The following BBS9 variants were observed in gnomAD, a reference collection of about 807,000 sequenced individuals.
BBS9 encodes Bardet-Biedl syndrome 9.
A neutral mutation model predicts 117.7 loss-of-function variants in BBS9; 89 were observed. That is an observed-to-expected ratio of 0.76 (90% CI 0.64 to 0.90). The LOEUF (loss-of-function observed/expected upper bound fraction) is 0.90. BBS9 is among the 40% of genes least tolerant of loss of function. BBS9 has a pLI of 0.00. For synonymous variants in BBS9, 379 were observed against 370.9 expected (o/e 1.02, Z -0.25); for missense variants, 982 against 1,042.2 (o/e 0.94, Z 0.80).
intron 19 of BBS9, among the ~76,000 whole-genome samples, chr7:33,414,880 T>G (rs1461195719): frequency 1.3e-5 from 2 of 152,140 alleles, no homozygotes; most frequent in African/African-American, 4.8e-5. Flanking sequence ...AGAGATGATA[T>G]CAGTTTACCG....
intron 21 of BBS9, among the ~76,000 whole-genome samples, chr7:33,582,963 T>A (rs2129163801): frequency 6.6e-6 from 1 of 152,236 alleles, no homozygotes; most frequent in Admixed American, 6.5e-5. Context: ...AACTAAGTAA[T>A]GTGGGAGCCT....
At chr7:33,386,514 G>A (rs1027302750) in intron 18 of BBS9, among the ~76,000 whole-genome samples, 3 of 147,166 alleles carry the variant, frequency 2.0e-5, no homozygotes, top group Non-Finnish European at 4.5e-5. Flanking sequence ...ATTTTGAGAC[G>A]GGGTCTCGCT....
At position 33,385,416 on chromosome 7, in the gene BBS9, CCTTG is replaced by C. The variant is rs141707644; in HGVS notation, c.1962+1579_1962+1582del. 8.4e-3 allele frequency among the ~76,000 whole-genome samples: 1,283 copies of C among 152,220 alleles called. 19 individuals carry two copies. Among genetic ancestry groups the C allele is most frequent in the African/African-American group, 0.03 (1,232 of 41,534 alleles). ...AGTTGGGTTTTGGAATCCAAGTGTGCCTTGGAGTGTAAATTTCATGAAGGCAGAA... is the reference window on the plus strand; with the variant it reads ...AGTTGGGTTTTGGAATCCAAGTGTGCGAGTGTAAATTTCATGAAGGCAGAA... On this transcript the variant is annotated intron_variant, in intron 18 of 22. Transcript: ENST00000242067.
intron 19 of BBS9, among the ~76,000 whole-genome samples, chr7:33,504,409 C>A (rs1252482710): frequency 1.3e-5 from 2 of 152,148 alleles, no homozygotes; most frequent in African/African-American, 2.4e-5. Flanking sequence ...TGGGAGACCA[C>A]ACAGCTGTAC....
At chr7:33,162,190 T>G (rs1254987731) in intron 4 of BBS9, among the ~76,000 whole-genome samples, 2 of 152,320 alleles carry the variant, frequency 1.3e-5, no homozygotes, top group Non-Finnish European at 2.9e-5. Context: ...AGGTCTAACA[T>G]TTAAGTCTTT....
At chr7:33,565,189 G>C (rs1314572447) in intron 21 of BBS9, among the ~76,000 whole-genome samples, 7 of 152,106 alleles carry the variant, frequency 4.6e-5, no homozygotes, top group Admixed American at 4.6e-4. Flanking sequence ...AATCTTCATT[G>C]TCTTCTGTCC....
At chr7:33,224,771 T>C (rs1486501725) in intron 5 of BBS9, among the ~76,000 whole-genome samples, 2 of 152,314 alleles carry the variant, frequency 1.3e-5, no homozygotes, top group African/African-American at 4.8e-5. Context: ...AGAGGACTGG[T>C]CAGGTTCAGG....
At chr7:33,427,393 C>G (rs78335671) in intron 19 of BBS9, among the ~76,000 whole-genome samples, 4,901 of 152,196 alleles carry the variant, frequency 0.032, 143 homozygotes, top group African/African-American at 0.077. Context: ...ATGGAGAAAA[C>G]ACAGGACTGC....
intron 9 of BBS9, among the ~76,000 whole-genome samples, chr7:33,328,200 C>A (rs1813235988): frequency 6.6e-6 from 1 of 152,186 alleles, no homozygotes; most frequent in Non-Finnish European, 1.5e-5. Context: ...TCAAGATCCA[C>A]CTTCTGCATC....
In BBS9 at chr7:33,627,261, G is replaced by A. The variant is rs529987686; in HGVS notation, c.2522-7916G>A. ...AAGCTGTAAGCTTTGGTTTCCACAC[G>A]ATGTTAGGCCTGCAGGTGCATAAAG... On this transcript the variant is annotated intron_variant, in intron 21 of 21. Coordinates refer to the BBS9 transcript ENST00000671952. Among the ~76,000 whole-genome samples, 19 of 152,348 alleles carry A rather than the reference G, an allele frequency of 1.2e-4. No homozygotes were observed. The South Asian group carries it at 2.7e-3, about 22-fold the overall frequency.
chr7:33,246,629 C>T (rs145252202), intron 5 of BBS9, among the ~76,000 whole-genome samples: 23 of 152,020 alleles, frequency 1.5e-4, no homozygotes, highest in Middle Eastern at 3.4e-3. Context: ...TATGCCTCAA[C>T]GTTATACTCA....
Position 33,512,899 on chromosome 7 carries a change from T to C in BBS9, c.2298+7254T>C, listed in dbSNP as rs188569072. Among the ~76,000 whole-genome samples the C allele has an allele frequency of 3.0e-3, 454 of 152,346 alleles. 9 individuals are homozygous for C. The highest frequency in any genetic ancestry group is 9.6e-4 in the East Asian group (5 of 5,182). ...CAGGCCCTGTTTTTCCACCTGACTTTCTGTGTTGGCATCCGAAGTAGCCTT... is the reference window on the plus strand; with the variant it reads ...CAGGCCCTGTTTTTCCACCTGACTTCCTGTGTTGGCATCCGAAGTAGCCTT... On this transcript the variant is annotated intron_variant, in intron 20 of 22. Transcript: ENST00000242067.
chr7:33,505,790 C>A, intron 20 of BBS9, 145 bp downstream of exon 20: 2 of 883,340 alleles, frequency 2.3e-6, no homozygotes, highest in Non-Finnish European at 3.4e-6. Context: ...TGTCTTTAAA[C>A]CATAATAAAA....
intron 19 of BBS9, among the ~76,000 whole-genome samples, chr7:33,395,905 TAAG>T (rs935696180): frequency 1.3e-5 from 2 of 152,152 alleles, no homozygotes; most frequent in African/African-American, 4.8e-5. Flanking sequence ...GCTGAGAGAC[TAAG>T]AAGGAGCTTT....
chr7:33,254,345 T>C (rs1796683448), intron 5 of BBS9, among the ~76,000 whole-genome samples: 1 of 152,200 alleles, frequency 6.6e-6, no homozygotes, highest in Admixed American at 6.5e-5. Flanking sequence ...ATCTTTCCTC[T>C]AACTTTGGAA....
chr7:33,453,617 GTTCAAGCAA>G (rs1221641801), intron 19 of BBS9, among the ~76,000 whole-genome samples: 3 of 151,380 alleles, frequency 2.0e-5, no homozygotes, highest in African/African-American at 4.9e-5. Context: ...TGCCTCCCAG[GTTCAAGCAA>G]TTCTGCTACC....
At chr7:33,135,055 G>C (rs994326455) in intron 1 of BBS9, among the ~76,000 whole-genome samples, 10 of 152,102 alleles carry the variant, frequency 6.6e-5, no homozygotes, top group Admixed American at 5.2e-4. Context: ...ACTGCACCTG[G>C]CTAATTTTTA....
At chr7:33,467,053 C>G (rs1840281773) in intron 19 of BBS9, among the ~76,000 whole-genome samples, 1 of 151,976 alleles carries the variant, frequency 6.6e-6, no homozygotes, top group Non-Finnish European at 1.5e-5. Flanking sequence ...AAACTCCTTA[C>G]TATGACAACT....
chr7:33,314,004 T>C (rs1267352472), intron 9 of BBS9, among the ~76,000 whole-genome samples: 1 of 152,202 alleles, frequency 6.6e-6, no homozygotes, highest in African/African-American at 2.4e-5. Flanking sequence ...AAATGTATTA[T>C]TACGAAGCTT....
Sources: gnomAD v4.1 joint callset for allele counts (sites outside exome capture counted in the v4.1 genomes callset) on GRCh38, gnomAD v4.1.1 for gene constraint, MANE v1.5 for transcripts, NCBI Gene and HGNC (gene_info 2026-07-23, HGNC 2026-07-21) for gene names.